The following PPFIA2 variants were observed in gnomAD, a reference collection of about 807,000 sequenced individuals.
PPFIA2 encodes PPFI scaffold protein A2.
A neutral mutation model predicts 175.5 loss-of-function variants in PPFIA2; 46 were observed. The observed-to-expected ratio is 0.26, with a 90% CI of 0.21 to 0.34. The LOEUF is 0.34. Among genes scored for constraint, PPFIA2 ranks in the 10% least tolerant of loss-of-function variants. The pLI, the probability that PPFIA2 is intolerant of heterozygous loss-of-function variation, is 1.00. For missense variants in PPFIA2, 1,179 were observed against 1,506.1 expected (o/e 0.78, Z 3.60); for synonymous variants, 568 against 511.4 (o/e 1.11, Z -1.49).
intron 4 of PPFIA2, among the ~76,000 whole-genome samples, chr12:81,466,915 A>T (rs1465819903): frequency 6.8e-6 from 1 of 147,454 alleles, no homozygotes; most frequent in Admixed American, 6.8e-5. Flanking sequence ...ATAATAAATA[A>T]TATTAAATGT....
At chr12:81,553,494 G>A (rs2068298772) in intron 4 of PPFIA2, among the ~76,000 whole-genome samples, 1 of 152,046 alleles carries the variant, frequency 6.6e-6, no homozygotes, top group African/African-American at 2.4e-5. Flanking sequence ...GCATGTGGCA[G>A]AAGTTGGTAG....
At chr12:81,486,120 A>G (rs2058785442) in intron 4 of PPFIA2, among the ~76,000 whole-genome samples, 1 of 151,958 alleles carries the variant, frequency 6.6e-6, no homozygotes, top group Non-Finnish European at 1.5e-5. Flanking sequence ...TAATTTCACT[A>G]TATTTCAAGC....
intron 19 of PPFIA2, among the ~76,000 whole-genome samples, chr12:81,342,354 A>T (rs2058261369): frequency 6.6e-6 from 1 of 152,148 alleles, no homozygotes; most frequent in African/African-American, 2.4e-5. Context: ...TTCTGATGAA[A>T]AAAGTTCTTA....
intron 26 of PPFIA2, among the ~76,000 whole-genome samples, chr12:81,281,733 CA>C (rs1212291677): frequency 6.6e-6 from 1 of 151,986 alleles, no homozygotes; most frequent in Non-Finnish European, 1.5e-5. Context: ...AATTATTATA[CA>C]AACTCTGAGC....
chr12:81,368,964 A>C, intron 12 of PPFIA2, 108 bp from the exon 13 acceptor site: 2 of 1,360,546 alleles, frequency 1.5e-6, no homozygotes, highest in South Asian at 1.4e-5. Flanking sequence ...GTTTTGATTA[A>C]AGTGGTGGAA....
chr12:81,326,296 T>C (rs1419215601), intron 21 of PPFIA2, among the ~76,000 whole-genome samples: 1 of 152,112 alleles, frequency 6.6e-6, no homozygotes, highest in African/African-American at 2.4e-5. Flanking sequence ...TGATAGCCAA[T>C]TGGGTAGGAA....
intron 4 of PPFIA2, among the ~76,000 whole-genome samples, chr12:81,657,952 C>T: frequency 6.6e-6 from 1 of 152,166 alleles, no homozygotes; most frequent in East Asian, 1.9e-4. Flanking sequence ...CTCATTTTTA[C>T]ACTTGTTAAT....
intron 11 of PPFIA2, among the ~76,000 whole-genome samples, chr12:81,373,769 T>C (rs1424021080): frequency 6.6e-6 from 1 of 152,062 alleles, no homozygotes; most frequent in Non-Finnish European, 1.5e-5. Context: ...TTTGGGTAAA[T>C]CCTAATCCCG....
chr12:81,326,111 A>T (rs1445125676), intron 21 of PPFIA2, among the ~76,000 whole-genome samples: 1 of 152,272 alleles, frequency 6.6e-6, no homozygotes, highest in East Asian at 1.9e-4. Flanking sequence ...GTGGCAACAT[A>T]ATAAATGTGG....
chr12:81,478,340 T>C (rs1026056309), intron 4 of PPFIA2, among the ~76,000 whole-genome samples: 1 of 152,174 alleles, frequency 6.6e-6, no homozygotes, highest in Non-Finnish European at 1.5e-5. Context: ...CTATCTATTT[T>C]GTTAATCTTT....
chr12:81,567,436 G>A (rs1256863128), intron 4 of PPFIA2, among the ~76,000 whole-genome samples: 1 of 152,064 alleles, frequency 6.6e-6, no homozygotes, highest in East Asian at 1.9e-4. Flanking sequence ...CTTATGCTGG[G>A]CCTTTAGATA....
At chr12:81,284,807 G>T (rs919194252) in intron 24 of PPFIA2, among the ~76,000 whole-genome samples, 1 of 152,114 alleles carries the variant, frequency 6.6e-6, no homozygotes, top group Non-Finnish European at 1.5e-5. Flanking sequence ...AAGCATTATC[G>T]TAACTTATCT....
intron 3 of PPFIA2, among the ~76,000 whole-genome samples, chr12:81,716,240 T>G (rs922123595): frequency 1.3e-5 from 2 of 151,684 alleles, no homozygotes; most frequent in African/African-American, 4.8e-5. Flanking sequence ...AAAATTAATT[T>G]TACTGATTTC....
chr12:81,686,574 A>G (rs539839832), intron 3 of PPFIA2, among the ~76,000 whole-genome samples: 1 of 152,008 alleles, frequency 6.6e-6, no homozygotes, highest in Non-Finnish European at 1.5e-5. Flanking sequence ...CTGTTTTCCA[A>G]CTTTTCCACA....
intron 31 of PPFIA2, 109 bp downstream of exon 31, chr12:81,263,122 G>A (rs2036178007): frequency 5.1e-6 from 6 of 1,168,248 alleles, no homozygotes; most frequent in Non-Finnish European, 7.1e-6. Context: ...ATTTCAAGCA[G>A]AGCAAACCAA....
chr12:81,508,521 CAAA>C (rs544893385), intron 4 of PPFIA2, among the ~76,000 whole-genome samples: 201 of 44,792 alleles, frequency 4.5e-3, no homozygotes, highest in Admixed American at 8.5e-3. Context: ...AATTCCACCT[CAAA>C]AAAAAAAAAA....
chr12:81,400,206 C>T (rs2041883545), intron 8 of PPFIA2, among the ~76,000 whole-genome samples: 1 of 152,110 alleles, frequency 6.6e-6, no homozygotes, highest in Non-Finnish European at 1.5e-5. Context: ...ACTATGATAT[C>T]TCAATATTTC....
intron 4 of PPFIA2, chr12:81,473,040 C>A (rs929754860): frequency 6.6e-6 from 1 of 152,194 alleles, no homozygotes. Context: ...TTCTCTCTAT[C>A]CTGTAGCTAT....
chr12:81,745,591 A>T (rs1490990046), intron 3 of PPFIA2, among the ~76,000 whole-genome samples: 2 of 152,014 alleles, frequency 1.3e-5, no homozygotes, highest in Non-Finnish European at 2.9e-5. Flanking sequence ...TGTTGCTCAT[A>T]ATTCACCACC....
Sources: allele counts gnomAD v4.1 joint callset (sites outside exome capture counted in the v4.1 genomes callset), GRCh38; gene constraint gnomAD v4.1.1; transcripts MANE v1.5; gene names NCBI Gene and HGNC (gene_info 2026-07-23, HGNC 2026-07-21).